The following TAFA2 variants were observed in gnomAD, a reference collection of about 807,000 sequenced individuals.
The protein encoded by TAFA2 is chemokine-like protein TAFA-2.
In TAFA2, 7 loss-of-function variants were observed where a neutral mutation model predicts 18.8. The observed-to-expected ratio is 0.37, with a 90% CI of 0.21 to 0.70. TAFA2 has a LOEUF of 0.70. TAFA2 is among the 30% of genes least tolerant of loss of function. The pLI, the probability that TAFA2 is intolerant of heterozygous loss-of-function variation, is 0.53. For synonymous variants in TAFA2, 60 were observed against 54.2 expected (o/e 1.11, Z -0.47); for missense variants, 122 against 158.1 (o/e 0.77, Z 1.23).
chr12:62,181,998 C>T (rs550512160), intron 1 of TAFA2, among the ~76,000 whole-genome samples: 1 of 150,440 alleles, frequency 6.6e-6, no homozygotes, highest in African/African-American at 2.5e-5. Flanking sequence ...CATCCCCCCC[C>T]CGCTACACAT....
rs68158949 is a variant in TAFA2, at chr12:61,836,756, T to TATATATATATATATATACACACAC, written c.106+30563_106+30564insGTGTGTGTATATATATATATATAT. ...TGATATATATATATATATATATATA[T>TATATATATATATATATACACACAC]ACACACACACACACAAATACATATA... On this transcript the variant is annotated intron_variant, in intron 2 of 4. Transcript: ENST00000416284. 3.7e-3 allele frequency among the ~76,000 whole-genome samples: 439 copies of TATATATATATATATATACACACAC among 119,726 alleles called. 5 individuals are homozygous for TATATATATATATATATACACACAC. The highest frequency in any genetic ancestry group is 0.011 in the African/African-American group (406 of 35,938). 78.5% of individuals were successfully genotyped at this position (119,726 alleles called of 152,430 possible). A position where few individuals can be genotyped will look rare whatever the true frequency, so the allele number is the denominator to read the frequency against.
intron 1 of TAFA2, among the ~76,000 whole-genome samples, chr12:62,162,835 G>A (rs1473829940): frequency 6.6e-6 from 1 of 151,766 alleles, no homozygotes; most frequent in Non-Finnish European, 1.5e-5. Flanking sequence ...CCTCTCTGTG[G>A]GATTTTCCCC....
intron 1 of TAFA2, among the ~76,000 whole-genome samples, chr12:62,254,544 C>A (rs2062929205): frequency 2.6e-5 from 4 of 152,120 alleles, no homozygotes; most frequent in Admixed American, 2.6e-4. Context: ...CAATGTATTA[C>A]ACAGAAGCCT....
At chr12:62,110,789 T>C (rs996880456) in intron 1 of TAFA2, among the ~76,000 whole-genome samples, 6 of 152,134 alleles carry the variant, frequency 3.9e-5, no homozygotes, top group African/African-American at 1.4e-4. Flanking sequence ...GAGGTGTTTA[T>C]AGTATTCTCT....
chr12:62,256,909 A>C (rs1026295791), intron 1 of TAFA2, among the ~76,000 whole-genome samples: 1 of 152,104 alleles, frequency 6.6e-6, no homozygotes, highest in African/African-American at 2.4e-5. Context: ...AGAGACGAGA[A>C]TTATACAATT....
chr12:61,975,650 A>C (rs1879406355), intron 1 of TAFA2, among the ~76,000 whole-genome samples: 1 of 148,450 alleles, frequency 6.7e-6, no homozygotes, highest in Non-Finnish European at 1.5e-5. Flanking sequence ...TTATCCCCAC[A>C]GCTTTTAATG....
intron 2 of TAFA2, among the ~76,000 whole-genome samples, chr12:61,834,265 C>T (rs1212283328): frequency 1.3e-5 from 2 of 152,028 alleles, no homozygotes; most frequent in African/African-American, 4.8e-5. Flanking sequence ...TAGGGATCTC[C>T]TACTTCTTCC....
intron 1 of TAFA2, among the ~76,000 whole-genome samples, chr12:61,869,989 C>A (rs1171394431): frequency 6.6e-6 from 1 of 152,066 alleles, no homozygotes; most frequent in Non-Finnish European, 1.5e-5. Context: ...GGGCAATGAC[C>A]CATCATTTTT....
At chr12:62,070,009 C>G (rs1565734554) in intron 1 of TAFA2, among the ~76,000 whole-genome samples, 1 of 152,126 alleles carries the variant, frequency 6.6e-6, no homozygotes, top group African/African-American at 2.4e-5. Context: ...ATTAATTCAT[C>G]CATTCATTCA....
intron 4 of TAFA2, among the ~76,000 whole-genome samples, chr12:61,731,284 C>T (rs1228006803): frequency 1.1e-4 from 16 of 152,112 alleles, no homozygotes; most frequent in Admixed American, 1.1e-3. Flanking sequence ...ATGGAGTTTA[C>T]TGGCAACAAG....
At chr12:61,797,888 T>C (rs1384491565) in intron 2 of TAFA2, among the ~76,000 whole-genome samples, 2 of 152,236 alleles carry the variant, frequency 1.3e-5, no homozygotes, top group Non-Finnish European at 2.9e-5. Context: ...TTTTTGTCTT[T>C]AAATTTTTGA....
chr12:61,741,325 ATG>A (rs926838134), intron 4 of TAFA2, among the ~76,000 whole-genome samples: 1 of 151,436 alleles, frequency 6.6e-6, no homozygotes, highest in African/African-American at 2.4e-5. Flanking sequence ...TCTCTCTTGC[ATG>A]TGTGTGTATA....
At chr12:61,724,563 A>G (rs181782282) in intron 4 of TAFA2, among the ~76,000 whole-genome samples, 2 of 151,972 alleles carry the variant, frequency 1.3e-5, no homozygotes, top group East Asian at 1.9e-4. Context: ...CGAGTCCCCA[A>G]AGTTTATTGT....
At chr12:61,831,296 T>C (rs940323123) in intron 2 of TAFA2, among the ~76,000 whole-genome samples, 7 of 152,100 alleles carry the variant, frequency 4.6e-5, no homozygotes, top group Non-Finnish European at 7.4e-5. Flanking sequence ...TTATGGACCA[T>C]ACAGGAAATT....
chr12:62,157,583 C>T (rs2062379661), intron 1 of TAFA2, among the ~76,000 whole-genome samples: 1 of 152,194 alleles, frequency 6.6e-6, no homozygotes, highest in Non-Finnish European at 1.5e-5. Context: ...ATCTACCTCA[C>T]TGAGTCACAC....
intron 2 of TAFA2, among the ~76,000 whole-genome samples, chr12:61,818,403 G>A (rs1017135782): frequency 6.6e-6 from 1 of 151,526 alleles, no homozygotes; most frequent in Admixed American, 6.6e-5. Context: ...GGATGAAATG[G>A]ACTACAATTA....
At chr12:62,110,096 A>G (rs1045215977) in intron 1 of TAFA2, among the ~76,000 whole-genome samples, 2 of 152,144 alleles carry the variant, frequency 1.3e-5, no homozygotes, top group Non-Finnish European at 2.9e-5. Flanking sequence ...CCCATTCAGT[A>G]TGATATTGGC....
At chr12:61,771,526 G>A (rs1211866131) in intron 2 of TAFA2, among the ~76,000 whole-genome samples, 1 of 151,790 alleles carries the variant, frequency 6.6e-6, no homozygotes, top group East Asian at 1.9e-4. Context: ...ATTATATCAA[G>A]TACTCTCTCT....
chr12:61,865,653 A>G (rs2121214814), intron 2 of TAFA2, among the ~76,000 whole-genome samples: 1 of 152,378 alleles, frequency 6.6e-6, no homozygotes, highest in South Asian at 2.1e-4. Context: ...CATAGAACAT[A>G]ACACTATTTA....
Sources: gnomAD v4.1 joint callset for allele counts (sites outside exome capture counted in the v4.1 genomes callset) on GRCh38, gnomAD v4.1.1 for gene constraint, MANE v1.5 for transcripts, NCBI Gene and HGNC (gene_info 2026-07-23, HGNC 2026-07-21) for gene names.